MAP4K5: variants seen among roughly 807,000 people sequenced by gnomAD.
MAP4K5 encodes the protein mitogen-activated protein kinase kinase kinase kinase 5, also known as MAPK/ERK kinase kinase kinase 5.
MAP4K5 carries 82 observed loss-of-function variants against 135.6 expected under a neutral mutation model. The observed-to-expected ratio is 0.60, with a 90% CI of 0.51 to 0.73. MAP4K5 has a LOEUF of 0.73. MAP4K5 is among the 30% of genes least tolerant of loss of function. MAP4K5 has a pLI of 0.00. For synonymous variants in MAP4K5, 347 were observed against 335.0 expected (o/e 1.04, Z -0.39); for missense variants, 907 against 1,010.9 (o/e 0.90, Z 1.39).
intron 3 of MAP4K5, among the ~76,000 whole-genome samples, chr14:50,491,486 G>A (rs947599520): frequency 5.9e-5 from 9 of 151,396 alleles, no homozygotes; most frequent in Admixed American, 2.0e-4. Flanking sequence ...TAATAGAGAC[G>A]GGGTTTCACC....
Position 50,446,141 on chromosome 14 carries a change from C to T in MAP4K5, c.1143-20G>A. 6.6e-7 allele frequency: 1 copy of T among 1,526,680 alleles called. No homozygotes were observed. Among genetic ancestry groups the T allele is most frequent in the Non-Finnish European group, 8.9e-7 (1 of 1,124,736 alleles). The allele number at this position is 1,526,680 out of a possible 1,614,324, so 94.6% of individuals were successfully genotyped here. A position where few individuals can be genotyped will look rare whatever the true frequency, so the allele number is the denominator to read the frequency against. On this transcript the variant is annotated intron_variant, in intron 16 of 32. Transcript: ENST00000682126. ...GTTGATCTAATACAAAGAAGAAATG[C>T]AATTTAGATGATGATAAATGACCGT...
intron 3 of MAP4K5, among the ~76,000 whole-genome samples, chr14:50,491,001 C>G (rs952226507): frequency 6.6e-6 from 1 of 152,134 alleles, no homozygotes; most frequent in South Asian, 2.1e-4. Context: ...TGGAGTAAGT[C>G]GGTTGCACCC....
chr14:50,554,258 A>T (rs1020662280), intron 1 of MAP4K5, among the ~76,000 whole-genome samples: 1 of 152,080 alleles, frequency 6.6e-6, no homozygotes, highest in African/African-American at 2.4e-5. Flanking sequence ...AGCTTCTTTG[A>T]CTCATTCTCA....
At chr14:50,432,523 C>T (rs150112473) in intron 28 of MAP4K5, among the ~76,000 whole-genome samples, 2 of 146,500 alleles carry the variant, frequency 1.4e-5, no homozygotes, top group South Asian at 2.1e-4. Flanking sequence ...GCATACCTCA[C>T]GCATTAAAAA....
At chr14:50,487,859 C>T (rs549496393) in intron 3 of MAP4K5, among the ~76,000 whole-genome samples, 1 of 152,248 alleles carries the variant, frequency 6.6e-6, no homozygotes, top group South Asian at 2.1e-4. Flanking sequence ...GAGCCTTTTC[C>T]ATCATAGCAT....
At chr14:50,513,036 AC>A (rs1306245920) in intron 2 of MAP4K5, among the ~76,000 whole-genome samples, 1 of 152,152 alleles carries the variant, frequency 6.6e-6, no homozygotes, top group Non-Finnish European at 1.5e-5. Context: ...GATATACTAA[AC>A]ACCTAGAAAT....
intron 16 of MAP4K5, among the ~76,000 whole-genome samples, chr14:50,446,952 A>C (rs2139732098): frequency 6.6e-6 from 1 of 152,248 alleles, no homozygotes; most frequent in African/African-American, 2.4e-5. Context: ...TACTATTCTT[A>C]GTTTGTGGGC....
At position 50,532,115 on chromosome 14, in the gene MAP4K5, A is replaced by G; in HGVS notation, c.-66T>C. 2 of 1,001,210 alleles carry G rather than the reference A, an allele frequency of 2.0e-6. No individual in the cohort carries two copies. Among genetic ancestry groups the G allele is most frequent in the South Asian group, 1.4e-5 (1 of 69,176 alleles). The allele number at this position is 1,001,210 out of a possible 1,614,324, so 62.0% of individuals were successfully genotyped here. ...TCCCGGATTCCCGCTAACAAGCACG[A>G]ACGGCGCCGCTTCCCAACATGGAGC... On this transcript the variant is annotated 5_prime_UTR_variant, in exon 2 of 33. Transcript: ENST00000682126.
At chr14:50,556,264 C>T (rs1456540807) in intron 1 of MAP4K5, among the ~76,000 whole-genome samples, 1 of 152,138 alleles carries the variant, frequency 6.6e-6, no homozygotes, top group Non-Finnish European at 1.5e-5. Flanking sequence ...GGGTCTTGCT[C>T]TGTCATCCAG....
At chr14:50,515,182 G>A (rs959166717) in intron 2 of MAP4K5, among the ~76,000 whole-genome samples, 5 of 152,146 alleles carry the variant, frequency 3.3e-5, no homozygotes, top group Non-Finnish European at 7.4e-5. Context: ...GATTACAGGC[G>A]TGAGCCATTG....
At chr14:50,537,767 G>A (rs2038513170) in intron 2 of MAP4K5, among the ~76,000 whole-genome samples, 1 of 152,232 alleles carries the variant, frequency 6.6e-6, no homozygotes, top group South Asian at 2.1e-4. Context: ...GGGGCCTGTA[G>A]CCCCTTTGTT....
chr14:50,429,165 C>T, intron 29 of MAP4K5, 27 bp downstream of exon 29: 1 of 1,355,910 alleles, frequency 7.4e-7, no homozygotes, highest in South Asian at 1.4e-5. Context: ...GTAGTATACT[C>T]AAAATAAAAT....
At position 50,456,610 on chromosome 14, in the gene MAP4K5, T is replaced by G. The variant is rs1348807889; in HGVS notation, c.937-16A>C. On this transcript the variant is annotated splice_polypyrimidine_tract_variant and intron_variant, in intron 13 of 32. Transcript: ENST00000682126. ...TTGCATGGGGCTGTGAATATAAGCA[T>G]AATATATATACTTTAACAAATTTCA... 6.0e-6 allele frequency: 9 copies of G among 1,494,476 alleles called. No homozygotes were observed. Among genetic ancestry groups the G allele is most frequent in the Non-Finnish European group, 8.2e-6 (9 of 1,102,266 alleles). 92.6% of individuals were successfully genotyped at this position (1,494,476 alleles called of 1,614,324 possible).
intron 2 of MAP4K5, among the ~76,000 whole-genome samples, chr14:50,526,812 T>G (rs914674522): frequency 1.4e-4 from 21 of 152,196 alleles, no homozygotes; most frequent in Admixed American, 9.2e-4. Context: ...GAATGGTGAC[T>G]CTTGGCTGGA....
intron 31 of MAP4K5, among the ~76,000 whole-genome samples, chr14:50,424,632 C>G (rs1266757191): frequency 1.3e-5 from 2 of 149,358 alleles, no homozygotes. Flanking sequence ...ATCGCTTGAA[C>G]CCAGGAGGTG....
At chr14:50,522,252 G>A (rs916929831) in intron 2 of MAP4K5, among the ~76,000 whole-genome samples, 3 of 151,630 alleles carry the variant, frequency 2.0e-5, no homozygotes, top group Non-Finnish European at 2.9e-5. Flanking sequence ...AAGTCAATCT[G>A]GGGACTACAC....
chr14:50,492,559 T>C lies in MAP4K5; in HGVS notation c.167-6365A>G, dbSNP rs1028451675. 3.5e-5 allele frequency among the ~76,000 whole-genome samples: 5 copies of C among 143,820 alleles called. No homozygotes were observed. In the East Asian group the frequency reaches 6.2e-4, roughly 18 times the overall value. 94.4% of individuals were successfully genotyped at this position (143,820 alleles called of 152,430 possible). A position where few individuals can be genotyped will look rare whatever the true frequency, so the allele number is the denominator to read the frequency against. ...CAGTGAGCTATGATCACCACTGCAC[T>C]CCAGCCTGGGTAACACAGCAAGACC... On this transcript the variant is annotated intron_variant, in intron 3 of 32. Transcript: ENST00000682126.
chr14:50,556,934 T>C (rs1235785224), intron 1 of MAP4K5, among the ~76,000 whole-genome samples: 1 of 152,256 alleles, frequency 6.6e-6, no homozygotes, highest in East Asian at 1.9e-4. Flanking sequence ...TTGGCTATTA[T>C]GAATAATGCT....
chr14:50,447,380 T>C (rs770746125), intron 16 of MAP4K5, 34 bp downstream of exon 16: 7 of 1,321,660 alleles, frequency 5.3e-6, no homozygotes, highest in Non-Finnish European at 7.4e-6. Context: ...TGTAATCAAA[T>C]AAAATATAGT....
Sources: gnomAD v4.1 joint callset for allele counts (sites outside exome capture counted in the v4.1 genomes callset) on GRCh38, gnomAD v4.1.1 for gene constraint, MANE v1.5 for transcripts, NCBI Gene and HGNC (gene_info 2026-07-23, HGNC 2026-07-21) for gene names.